Variants in DOCK11 observed in about 807,000 individuals in gnomAD.
DOCK11 encodes the protein dedicator of cytokinesis protein 11.
Under a neutral mutation model 169.1 loss-of-function variants are expected in DOCK11, and 70 were observed. The observed-to-expected ratio is 0.41, with a 90% CI of 0.34 to 0.51. The LOEUF (loss-of-function observed/expected upper bound fraction) is 0.51. Among genes scored for constraint, DOCK11 ranks in the 20% least tolerant of loss-of-function variants. The pLI, the probability that DOCK11 is intolerant of heterozygous loss-of-function variation, is 0.10. For missense variants in DOCK11, 1,166 were observed against 1,538.8 expected (o/e 0.76, Z 4.05); for synonymous variants, 529 against 541.3 (o/e 0.98, Z 0.32).
intron 1 of DOCK11, among the ~76,000 whole-genome samples, chrX:118,505,452 C>T (rs1187597661): frequency 1.8e-5 from 2 of 112,098 alleles, no homozygotes; most frequent in Non-Finnish European, 3.8e-5. Context: ...GGGCAAGAGA[C>T]GTCTTTTGTA....
chrX:118,543,709 G>A, intron 4 of DOCK11, 116 bp downstream of exon 4: 3 of 514,785 alleles, frequency 5.8e-6, no homozygotes, highest in South Asian at 2.7e-5. Context: ...CCAGCACTTT[G>A]GGAGGCCGAG....
chrX:118,553,837 A>G lies in DOCK11; in HGVS notation c.559-7546A>G, dbSNP rs1408318154. Among the ~76,000 whole-genome samples the G allele has an allele frequency of 3.6e-5, 4 of 112,229 alleles. No homozygotes were observed. In the East Asian group the frequency reaches 1.1e-3, roughly 31 times the overall value. On this transcript the variant is annotated intron_variant, in intron 6 of 52. Transcript: ENST00000276202. ...TCTACCAGACTATCTCTTACAGCTA[A>G]CAAATGGATTGCATTCATTTATTAT...
At chrX:118,676,094 C>A (rs763776855) in intron 47 of DOCK11, 45 bp downstream of exon 47, 4 of 878,255 alleles carry the variant, frequency 4.6e-6, no homozygotes, top group East Asian at 6.4e-5. Context: ...TAAACATTCA[C>A]CTTTGAATTA....
chrX:118,626,202 A>C (rs2015097265), intron 32 of DOCK11, among the ~76,000 whole-genome samples: 1 of 108,079 alleles, frequency 9.3e-6, no homozygotes, highest in African/African-American at 3.4e-5. Flanking sequence ...AGTAGCTGGG[A>C]CTACAGGCAT....
intron 1 of DOCK11, among the ~76,000 whole-genome samples, chrX:118,500,219 T>G (rs963897251): frequency 2.7e-5 from 3 of 110,064 alleles, no homozygotes. Context: ...CGGCTAATTT[T>G]TTGTATTTTT....
chrX:118,542,879 T>C (rs759748114), intron 2 of DOCK11, 38 bp downstream of exon 2: 2 of 1,200,569 alleles, frequency 1.7e-6, no homozygotes, highest in Admixed American at 4.4e-5. Context: ...AAAAAACCCC[T>C]ATTTTTCAAG....
chrX:118,532,660 A>G (rs2011621545), intron 1 of DOCK11, among the ~76,000 whole-genome samples: 1 of 108,835 alleles, frequency 9.2e-6, no homozygotes, highest in African/African-American at 3.4e-5. Flanking sequence ...GGGCGCCTGT[A>G]GCCCCAGCTA....
chrX:118,597,763 T>G (rs2014213720), intron 21 of DOCK11, among the ~76,000 whole-genome samples: 1 of 111,677 alleles, frequency 9.0e-6, no homozygotes, highest in Admixed American at 9.5e-5. Context: ...AATAATTTTT[T>G]TAGTGGGGCT....
intron 1 of DOCK11, among the ~76,000 whole-genome samples, chrX:118,523,333 G>A (rs372138672): frequency 1.1e-4 from 12 of 112,411 alleles, no homozygotes; most frequent in African/African-American, 3.9e-4. Flanking sequence ...GTATGTCTAG[G>A]TGGAGACCTT....
chrX:118,609,010 A>G (rs5957035), intron 26 of DOCK11, among the ~76,000 whole-genome samples: 1 of 111,536 alleles, frequency 9.0e-6, no homozygotes, highest in Non-Finnish European at 1.9e-5. Flanking sequence ...TTACCACTTG[A>G]GGGCAATTAG....
intron 36 of DOCK11, 150 bp from the exon 37 acceptor site, chrX:118,637,930 T>G: frequency 2.3e-6 from 1 of 428,116 alleles, no homozygotes. Flanking sequence ...CCGCAATTAA[T>G]TATCTATGTA....
In DOCK11 at chrX:118,574,007, T is replaced by C. The variant is rs2013367552; in HGVS notation, c.1378T>C (p.Tyr460His). 1 of 1,208,254 alleles carries C rather than the reference T, an allele frequency of 8.3e-7. No homozygotes were observed. Among genetic ancestry groups the C allele is most frequent in the Non-Finnish European group, 1.1e-6 (1 of 893,448 alleles). The change falls in exon 12 of 53, where the codon TAC becomes CAC. Residue 460 changes from tyrosine (Y) to histidine (H), a missense_variant. Transcript: ENST00000276202. ...IHGIAESQLR[Y>H]IQQGIFSVTN... ...TGGAATTGCCGAATCTCAGTTACGC[T>C]ACATACAACAGGTAACGAATGACCT...
chrX:118,542,769 T>G lies in DOCK11; in HGVS notation c.147T>G (p.Ile49Met). 1 of 1,211,440 alleles carries G rather than the reference T, an allele frequency of 8.3e-7. No individual in the cohort carries two copies. Among genetic ancestry groups the G allele is most frequent in the Non-Finnish European group, 1.1e-6 (1 of 895,202 alleles). Residue 49 changes from isoleucine to methionine, a missense_variant, in exon 2 of 53, where the codon ATT (isoleucine) becomes ATG (methionine). Coordinates refer to ENST00000276202, the MANE Select transcript of DOCK11 (RefSeq NM_144658.4). ...AGCCCCTGGACTATGAGAATGTTAT[T>G]GCCCAAAGAAAAACCCAGATTTACA... ...VVEPLDYENV[I>M]AQRKTQIYSD... is the part of the protein sequence containing the mutation.
Position 118,627,590 on chromosome X carries a change from C to G in DOCK11, c.3664+11C>G. 2.6e-6 allele frequency: 3 copies of G among 1,175,749 alleles called. No homozygotes were observed. Among genetic ancestry groups the G allele is most frequent in the Non-Finnish European group, 3.5e-6 (3 of 863,820 alleles). On this transcript the variant is annotated intron_variant, in intron 33 of 52. Transcript: ENST00000276202. The stretch of plus-strand genomic sequence containing the variant: ...CTGACAAAGACACCGGTAATTAAAC[C>G]TTTTGGAGATGATACATTGCGTGGG...
chrX:118,588,610 T>C, intron 18 of DOCK11, 132 bp downstream of exon 18: 1 of 460,909 alleles, frequency 2.2e-6, no homozygotes, highest in Non-Finnish European at 3.5e-6. Context: ...AATGTAATAC[T>C]TTCTTTTCTA....
chrX:118,514,091 A>G (rs1261065761), intron 1 of DOCK11, among the ~76,000 whole-genome samples: 3 of 110,973 alleles, frequency 2.7e-5, no homozygotes, highest in South Asian at 7.6e-4. Flanking sequence ...TGTTCTGGTG[A>G]TAGTGAATGA....
At chrX:118,578,466 T>C in intron 12 of DOCK11, 59 bp from the exon 13 acceptor site, 1 of 1,172,164 alleles carries the variant, frequency 8.5e-7, no homozygotes, top group African/African-American at 1.8e-5. Context: ...TCGTTAACCA[T>C]AAACAACCAT....
At chrX:118,550,854 T>C (rs1190014684) in intron 6 of DOCK11, among the ~76,000 whole-genome samples, 3 of 112,212 alleles carry the variant, frequency 2.7e-5, no homozygotes, top group African/African-American at 9.7e-5. Context: ...TGACAGAGTT[T>C]GAGAGGAAAG....
intron 1 of DOCK11, among the ~76,000 whole-genome samples, chrX:118,518,975 AT>A (rs1014158359): frequency 7.2e-5 from 8 of 110,584 alleles, no homozygotes; most frequent in Middle Eastern, 4.6e-3. Context: ...GATCTATGAA[AT>A]TTTTTTTTGT....
Sources: allele counts gnomAD v4.1 joint callset (sites outside exome capture counted in the v4.1 genomes callset), GRCh38; gene constraint gnomAD v4.1.1; transcripts MANE v1.5; gene names NCBI Gene and HGNC (gene_info 2026-07-23, HGNC 2026-07-21).